SAMMSON: variants seen among roughly 807,000 people sequenced by gnomAD.
SAMMSON encodes the protein long intergenic non-protein coding RNA 1212.
chr3:70,372,927 C>T (rs1025251396), intron 9 of SAMMSON, among the ~76,000 whole-genome samples: 16 of 152,066 alleles, frequency 1.1e-4, no homozygotes, highest in Non-Finnish European at 7.4e-5. Context: ...CTTTTAAGTT[C>T]TATTATTTTT....
intron 4 of SAMMSON, among the ~76,000 whole-genome samples, chr3:70,164,420 A>G (rs1425438794): frequency 6.6e-6 from 1 of 152,024 alleles, no homozygotes; most frequent in Admixed American, 6.6e-5. Flanking sequence ...TCAAAAAAAG[A>G]TCTGTTTTCT....
intron 2 of SAMMSON, among the ~76,000 whole-genome samples, chr3:70,409,244 T>C (rs1701199767): frequency 6.6e-6 from 1 of 152,188 alleles, no homozygotes; most frequent in African/African-American, 2.4e-5. Flanking sequence ...ATACCAACCA[T>C]TATTTTATTT....
At chr3:70,130,378 G>A (rs1037763770) in intron 4 of SAMMSON, among the ~76,000 whole-genome samples, 3 of 152,170 alleles carry the variant, frequency 2.0e-5, no homozygotes, top group African/African-American at 7.2e-5. Context: ...GCATGTGCTA[G>A]GGTTGTGAAT....
intron 7 of SAMMSON, among the ~76,000 whole-genome samples, chr3:70,332,204 T>C (rs2106723018): frequency 6.6e-6 from 1 of 152,326 alleles, no homozygotes. Context: ...AACAAATATG[T>C]TTAGGGACAT....
chr3:70,144,635 C>G (rs1028015663), intron 4 of SAMMSON, among the ~76,000 whole-genome samples: 4 of 151,296 alleles, frequency 2.6e-5, no homozygotes, highest in African/African-American at 7.4e-5. Flanking sequence ...TCTTGTAGCT[C>G]CCATAATTCC....
At chr3:70,167,388 G>A (rs1427113251) in intron 4 of SAMMSON, among the ~76,000 whole-genome samples, 1 of 151,978 alleles carries the variant, frequency 6.6e-6, no homozygotes. Flanking sequence ...TCTAATAGAT[G>A]ATCTTCTTGT....
intron 1 of SAMMSON, among the ~76,000 whole-genome samples, chr3:70,000,249 C>T (rs529974540): frequency 5.9e-5 from 9 of 152,308 alleles, no homozygotes; most frequent in Middle Eastern, 3.4e-3. Flanking sequence ...AGCCCCACAG[C>T]CTGCCTGTCT....
intron 4 of SAMMSON, among the ~76,000 whole-genome samples, chr3:70,159,338 A>G (rs993913070): frequency 8.8e-6 from 1 of 113,268 alleles, no homozygotes; most frequent in African/African-American, 3.4e-5. Context: ...CCCCCACCCC[A>G]CAAGAGGCCC....
chr3:70,229,985 G>C (rs931563540), intron 4 of SAMMSON, among the ~76,000 whole-genome samples: 1 of 151,990 alleles, frequency 6.6e-6, no homozygotes, highest in Admixed American at 6.6e-5. Flanking sequence ...TCTAAGATTT[G>C]TACAAAGTAT....
chr3:70,157,809 G>T (rs890833685), intron 4 of SAMMSON, among the ~76,000 whole-genome samples: 26 of 151,988 alleles, frequency 1.7e-4, no homozygotes, highest in African/African-American at 6.3e-4. Context: ...GCCATTTATT[G>T]ACCCAATTTT....
chr3:70,250,263 C>T (rs568293808), intron 6 of SAMMSON, among the ~76,000 whole-genome samples: 8 of 152,090 alleles, frequency 5.3e-5, no homozygotes, highest in Non-Finnish European at 1.0e-4. Context: ...AAATCTCTCA[C>T]GTTCTATTGA....
At chr3:70,418,663 C>G (rs937144466) in intron 2 of SAMMSON, among the ~76,000 whole-genome samples, 3 of 152,174 alleles carry the variant, frequency 2.0e-5, no homozygotes, top group African/African-American at 7.2e-5. Flanking sequence ...AGCTCCTCTT[C>G]CAGCCACCTG....
intron 4 of SAMMSON, among the ~76,000 whole-genome samples, chr3:70,193,386 T>C (rs1249559415): frequency 6.6e-6 from 1 of 152,204 alleles, no homozygotes; most frequent in Admixed American, 6.5e-5. Context: ...CTCGAACTCC[T>C]GGGCTCATGC....
intron 6 of SAMMSON, among the ~76,000 whole-genome samples, chr3:70,263,917 C>T (rs1445687459): frequency 6.6e-6 from 1 of 152,144 alleles, no homozygotes; most frequent in Non-Finnish European, 1.5e-5. Context: ...TGTCCAATAT[C>T]TCAAATGGTT....
intron 9 of SAMMSON, among the ~76,000 whole-genome samples, chr3:70,381,987 G>A (rs1270551233): frequency 1.3e-5 from 2 of 152,060 alleles, no homozygotes; most frequent in African/African-American, 4.8e-5. Context: ...CTTGTTAGGT[G>A]TAATACTCAT....
intron 4 of SAMMSON, chr3:70,075,275 A>G (rs2067244606): frequency 6.6e-6 from 1 of 152,166 alleles, no homozygotes; most frequent in African/African-American, 2.4e-5. Context: ...GTCGGCATGT[A>G]GGTGTAGTCT....
At chr3:70,279,645 C>T (rs182222006) in intron 6 of SAMMSON, among the ~76,000 whole-genome samples, 2 of 152,146 alleles carry the variant, frequency 1.3e-5, no homozygotes, top group South Asian at 4.1e-4. Flanking sequence ...CATGCTGAGT[C>T]CTATTTGCAT....
At chr3:70,057,535 C>G (rs977854725) in intron 3 of SAMMSON, among the ~76,000 whole-genome samples, 3 of 151,902 alleles carry the variant, frequency 2.0e-5, no homozygotes, top group African/African-American at 7.2e-5. Context: ...AGAACATGAA[C>G]AGAAAATTAT....
chr3:70,278,177 A>G (rs1056881950), intron 6 of SAMMSON, among the ~76,000 whole-genome samples: 7 of 152,240 alleles, frequency 4.6e-5, no homozygotes, highest in Non-Finnish European at 1.0e-4. Context: ...AAATGGGCTC[A>G]TAGTGTATAT....
Sources: gnomAD v4.1 joint callset for allele counts (sites outside exome capture counted in the v4.1 genomes callset) on GRCh38, gnomAD v4.1.1 for gene constraint, MANE v1.5 for transcripts, NCBI Gene and HGNC (gene_info 2026-07-23, HGNC 2026-07-21) for gene names.